VMA21: variants seen among roughly 807,000 people sequenced by gnomAD.
VMA21 encodes vacuolar ATPase assembly factor VMA21.
For missense variants in VMA21, 61 were observed against 80.6 expected, an observed-to-expected ratio of 0.76 and a Z score of 0.93; for synonymous variants, 47 against 34.1, an observed-to-expected ratio of 1.38 and a Z score of -1.32.
At position 151,408,434 on chromosome X, in the gene VMA21, C is replaced by T. The variant is rs2011318389; in HGVS notation, c.*3376C>T. ...TGTACCTAGTGTGTATTTCTTATCT[C>T]TAGACAAGTTCATGTTTATTGTTTA... On this transcript the variant is annotated 3_prime_UTR_variant, in exon 3 of 3. Transcript: ENST00000330374. 8.9e-6 allele frequency: 1 copy of T among 112,092 alleles called. No individual in the cohort carries two copies. Among genetic ancestry groups the T allele is most frequent in the Non-Finnish European group, 1.9e-5 (1 of 53,230 alleles). The allele number at this position is 112,092 out of a possible 1,213,427, so 9.2% of individuals were successfully genotyped here. A position where few individuals can be genotyped will look rare whatever the true frequency, so the allele number is the denominator to read the frequency against.
intron 1 of VMA21, among the ~76,000 whole-genome samples, chrX:151,400,599 TC>T (rs986920709): frequency 8.9e-6 from 1 of 112,266 alleles, no homozygotes; most frequent in African/African-American, 3.2e-5. Flanking sequence ...GTGTGGTAGT[TC>T]TATTTTTAAT....
At chrX:151,404,544 G>A (rs2011267449) in intron 2 of VMA21, among the ~76,000 whole-genome samples, 1 of 110,865 alleles carries the variant, frequency 9.0e-6, no homozygotes, top group Non-Finnish European at 1.9e-5. Flanking sequence ...TCAGCCTCCC[G>A]AGTAGCTGGG....
In VMA21 at chrX:151,405,067, T is replaced by A. The variant is rs372822114; in HGVS notation, c.*9T>A. ...AAGGCAAACAGGATTAAAGTGAACA[T>A]CACCTTTTTATAGCATTAAATTCAT... is the stretch of plus-strand genomic sequence containing the variant. On this transcript the variant is annotated 3_prime_UTR_variant, in exon 3 of 3. Transcript: ENST00000330374. 6 of 1,209,788 alleles carry A rather than the reference T, an allele frequency of 5.0e-6. No individual in the cohort carries two copies. The highest frequency in any genetic ancestry group is 1.7e-5 in the African/African-American group (1 of 57,632).
intron 1 of VMA21, among the ~76,000 whole-genome samples, 153 bp from the exon 2 acceptor site, chrX:151,403,478 C>T (rs1225495402): frequency 1.8e-5 from 2 of 112,901 alleles, no homozygotes; most frequent in Admixed American, 1.9e-4. Context: ...CTACCCACAG[C>T]TGGTTCTCTA....
In VMA21 at chrX:151,405,781, CT is replaced by C. The variant is rs1469665654; in HGVS notation, c.*725del. The C allele has an allele frequency of 8.9e-6, 1 of 112,041 alleles. No homozygotes were observed. Among genetic ancestry groups the C allele is most frequent in the Non-Finnish European group, 1.9e-5 (1 of 53,277 alleles). 9.2% of individuals were successfully genotyped at this position (112,041 alleles called of 1,213,427 possible). Reference sequence around the variant, plus strand: ...ACCAACTTTTTAATGAGATACTTTGCTTCCTCATTCAACATTGAAGCTAGGC... The same window carrying C: ...ACCAACTTTTTAATGAGATACTTTGCTCCTCATTCAACATTGAAGCTAGGC... On this transcript the variant is annotated 3_prime_UTR_variant, in exon 3 of 3. Coordinates refer to ENST00000330374, the MANE Select transcript of VMA21 (RefSeq NM_001017980.4).
chrX:151,404,321 C>T (rs988427424), intron 2 of VMA21, among the ~76,000 whole-genome samples: 1 of 112,157 alleles, frequency 8.9e-6, no homozygotes, highest in African/African-American at 3.2e-5. Flanking sequence ...GTGATCCACC[C>T]GCCTCGGCCT....
intron 1 of VMA21, among the ~76,000 whole-genome samples, chrX:151,398,521 A>T (rs1188070518): frequency 2.7e-5 from 3 of 110,587 alleles, no homozygotes; most frequent in African/African-American, 9.9e-5. Flanking sequence ...AAAGGACATG[A>T]TCTCATTCTT....
chrX:151,398,546 A>G (rs2011212879), intron 1 of VMA21, among the ~76,000 whole-genome samples: 1 of 111,145 alleles, frequency 9.0e-6, no homozygotes, highest in Non-Finnish European at 1.9e-5. Flanking sequence ...ATGGCTGCAT[A>G]GTGTTCCATG....
rs146494103 is a variant in VMA21, at chrX:151,405,199, C to A, written c.*141C>A. Reference sequence around the variant, plus strand: ...CACGTTTGAGTATGTAAATTTTGATCTTTCTAATATGTTGGTTTGTATATT... The same window carrying A: ...CACGTTTGAGTATGTAAATTTTGATATTTCTAATATGTTGGTTTGTATATT... On this transcript the variant is annotated 3_prime_UTR_variant, in exon 3 of 3. Coordinates refer to ENST00000330374, the MANE Select transcript of VMA21 (RefSeq NM_001017980.4). 4.2e-6 allele frequency: 3 copies of A among 707,403 alleles called. No homozygotes were observed. The highest frequency in any genetic ancestry group is 6.2e-6 in the Non-Finnish European group (3 of 485,727). 58.3% of individuals were successfully genotyped at this position (707,403 alleles called of 1,213,427 possible).
At chrX:151,396,928 G>A (rs1270282464), upstream of VMA21, 7 of 521,933 alleles carry the variant, frequency 1.3e-5, no homozygotes, top group African/African-American at 7.0e-5. Context: ...CGGCGTAGCC[G>A]CCGCCCGCCC....
At chrX:151,401,922 A>AT (rs1241526012) in intron 1 of VMA21, among the ~76,000 whole-genome samples, 3 of 108,765 alleles carry the variant, frequency 2.8e-5, no homozygotes, top group East Asian at 5.8e-4. Flanking sequence ...AATTATCAAA[A>AT]TTTTTTTTTG....
At chrX:151,404,075 A>C (rs1253532967) in intron 2 of VMA21, among the ~76,000 whole-genome samples, 1 of 63,349 alleles carries the variant, frequency 1.6e-5, no homozygotes, top group Non-Finnish European at 2.5e-5. Flanking sequence ...TTGATGTTGA[A>C]ATTTTTTTTT....
Position 151,405,377 on chromosome X carries a change from T to C in VMA21, c.*319T>C, listed in dbSNP as rs1282452679. The C allele has an allele frequency of 1.0e-5, 2 of 194,497 alleles. No individual in the cohort carries two copies. Among genetic ancestry groups the C allele is most frequent in the African/African-American group, 6.0e-5 (2 of 33,405 alleles). 16.0% of individuals were successfully genotyped at this position (194,497 alleles called of 1,213,427 possible). On this transcript the variant is annotated 3_prime_UTR_variant, in exon 3 of 3. Coordinates refer to ENST00000330374, the MANE Select transcript of VMA21 (RefSeq NM_001017980.4). ...TAGTATTCTGACTTACGGTTGCTTT[T>C]GAGTTTTACTCATTTGGATATATTA...
At chrX:151,397,092 ACAGCCCTGCGTCGCTGCGGCGC>A, upstream of VMA21, 1 of 428,637 alleles carries the variant, frequency 2.3e-6, no homozygotes, top group East Asian at 4.1e-5. Flanking sequence ...CGCGCCGGCA[ACAGCCCTGCGTCGCTGCGGCGC>A]GCCGCGCCGC....
intron 1 of VMA21, among the ~76,000 whole-genome samples, chrX:151,397,799 C>T (rs1428166519): frequency 9.0e-6 from 1 of 111,694 alleles, no homozygotes; most frequent in Non-Finnish European, 1.9e-5. Context: ...GAGATTGCTT[C>T]ACTTGGGGAA....
rs1214327956 is a variant in VMA21, at chrX:151,406,223, C to G, written c.*1165C>G. 9.0e-6 allele frequency: 1 copy of G among 111,599 alleles called. No individual in the cohort carries two copies. Among genetic ancestry groups the G allele is most frequent in the Non-Finnish European group, 1.9e-5 (1 of 53,157 alleles). The allele number at this position is 111,599 out of a possible 1,213,427, so 9.2% of individuals were successfully genotyped here. On this transcript the variant is annotated 3_prime_UTR_variant, in exon 3 of 3. Transcript: ENST00000330374. Reference sequence around the variant, plus strand: ...ATAACCTCTATTTTAGTTGATATCCCGTATTCATTTTTGAAAGCCATTCCT... The same window carrying G: ...ATAACCTCTATTTTAGTTGATATCCGGTATTCATTTTTGAAAGCCATTCCT...
upstream of VMA21, chrX:151,396,702 G>A (rs2011191473): frequency 2.4e-6 from 1 of 420,392 alleles, no homozygotes; most frequent in East Asian, 3.9e-5. Flanking sequence ...ACCACTGCGG[G>A]CAGTAATTAA....
At chrX:151,400,572 A>G (rs2011230010) in intron 1 of VMA21, among the ~76,000 whole-genome samples, 1 of 112,111 alleles carries the variant, frequency 8.9e-6, no homozygotes, top group African/African-American at 3.2e-5. Context: ...ATATTCCAGA[A>G]GAGAGATTGC....
chrX:151,399,570 A>G (rs1192092639), intron 1 of VMA21, among the ~76,000 whole-genome samples: 3 of 111,821 alleles, frequency 2.7e-5, no homozygotes, highest in Admixed American at 9.5e-5. Flanking sequence ...TTGGCCAATT[A>G]GTGACTCTTT....
Sources: gnomAD v4.1 joint callset for allele counts (sites outside exome capture counted in the v4.1 genomes callset) on GRCh38, gnomAD v4.1.1 for gene constraint, MANE v1.5 for transcripts, NCBI Gene and HGNC (gene_info 2026-07-23, HGNC 2026-07-21) for gene names.